Variants in CEP63 observed in about 807,000 individuals in gnomAD.
CEP63 encodes the protein centrosomal protein 63, also known as centrosomal protein of 63 kDa.
Under a neutral mutation model 89.1 loss-of-function variants are expected in CEP63, and 84 were observed. The ratio of observed to expected loss-of-function variants is 0.94; its 90% CI spans 0.79 to 1.13. The LOEUF is 1.13. Ranked by LOEUF, CEP63 falls within the 50% of genes most tolerant of loss-of-function variation. The pLI is 0.00. For synonymous variants in CEP63, 267 were observed against 272.5 expected, an observed-to-expected ratio of 0.98 and a Z score of 0.20; for missense variants, 838 against 813.3, an observed-to-expected ratio of 1.03 and a Z score of -0.37.
At chr3:134,707,028 C>CA in the CEP63 span, among the ~76,000 whole-genome samples, 1 of 152,082 alleles carries the variant, frequency 6.6e-6, no homozygotes, top group East Asian at 1.9e-4. Flanking sequence ...ACCCTATTTC[C>CA]AAAAAAGTCA....
At chr3:134,743,931 GA>G in the CEP63 span, among the ~76,000 whole-genome samples, 1 of 152,120 alleles carries the variant, frequency 6.6e-6, no homozygotes, top group African/African-American at 2.4e-5. Context: ...CTCCTCAAAA[GA>G]AAAGTATTAA....
At chr3:134,647,485 A>C in the CEP63 span, 1 of 1,610,310 alleles carries the variant, frequency 6.2e-7, no homozygotes, top group Non-Finnish European at 8.5e-7. Context: ...TCCATTTCCA[A>C]CACCTTGGAA....
At chr3:134,569,485 A>G (rs1024371416), downstream of CEP63, among the ~76,000 whole-genome samples, 14 of 152,188 alleles carry the variant, frequency 9.2e-5, no homozygotes, top group African/African-American at 2.9e-4. Flanking sequence ...GGGCAGTCAA[A>G]TCTTAAAGCT....
the CEP63 span, among the ~76,000 whole-genome samples, chr3:134,771,508 C>T: frequency 6.6e-6 from 1 of 152,196 alleles, no homozygotes; most frequent in African/African-American, 2.4e-5. Flanking sequence ...TACAGCAGGT[C>T]AGGGTGGGGC....
At chr3:134,604,417 A>G in the CEP63 span, 6 of 1,613,962 alleles carry the variant, frequency 3.7e-6, no homozygotes, top group Non-Finnish European at 5.1e-6. Flanking sequence ...GCCATTGAGC[A>G]TGAACATGAA....
At chr3:134,726,177 G>A in the CEP63 span, among the ~76,000 whole-genome samples, 1 of 151,990 alleles carries the variant, frequency 6.6e-6, no homozygotes, top group Non-Finnish European at 1.5e-5. Flanking sequence ...CTTTAAACAC[G>A]TTCCATGGCG....
the CEP63 span, among the ~76,000 whole-genome samples, chr3:134,693,439 G>C: frequency 8.3e-6 from 1 of 120,028 alleles, no homozygotes. Context: ...GATTTCTTCT[G>C]TAAGCAAAAA....
At chr3:134,781,608 G>A in the CEP63 span, among the ~76,000 whole-genome samples, 18 of 152,212 alleles carry the variant, frequency 1.2e-4, no homozygotes, top group African/African-American at 2.9e-4. Flanking sequence ...ATTTACCCAC[G>A]TAACAAACCT....
the CEP63 span, among the ~76,000 whole-genome samples, chr3:134,691,807 C>T: frequency 3.3e-5 from 5 of 151,604 alleles, no homozygotes; most frequent in East Asian, 1.9e-4. Context: ...GCAACCTCTG[C>T]CTCCCGGGTT....
At chr3:134,560,821 CTT>C (rs1279836436) in intron 14 of CEP63, among the ~76,000 whole-genome samples, 2 of 152,038 alleles carry the variant, frequency 1.3e-5, no homozygotes. Flanking sequence ...TTTTGGGTGA[CTT>C]TATAGAACAC....
chr3:134,646,221 G>C, the CEP63 span, among the ~76,000 whole-genome samples: 1 of 152,164 alleles, frequency 6.6e-6, no homozygotes, highest in Non-Finnish European at 1.5e-5. Context: ...GTCTACTTCA[G>C]TAGAGCTAAA....
intron 2 of CEP63, among the ~76,000 whole-genome samples, chr3:134,499,997 T>C (rs925001802): frequency 6.6e-6 from 1 of 151,876 alleles, no homozygotes; most frequent in Non-Finnish European, 1.5e-5. Context: ...CTAATTTTTT[T>C]GTATTTTTGG....
the CEP63 span, among the ~76,000 whole-genome samples, chr3:134,624,895 C>T: frequency 1.3e-5 from 2 of 152,286 alleles, no homozygotes; most frequent in Admixed American, 6.5e-5. Context: ...CTGCCTAGTG[C>T]CTTCTGTCCC....
the CEP63 span, among the ~76,000 whole-genome samples, chr3:134,689,204 T>C: frequency 5.3e-5 from 8 of 152,092 alleles, no homozygotes; most frequent in Non-Finnish European, 7.4e-5. Context: ...CTTCGGCTTA[T>C]GATGACTTCT....
intron 10 of CEP63, among the ~76,000 whole-genome samples, chr3:134,582,843 G>C (rs2110334558): frequency 6.6e-6 from 1 of 152,238 alleles, no homozygotes; most frequent in East Asian, 1.9e-4. Flanking sequence ...AGCATCTGTT[G>C]TTTCCTGACT....
chr3:134,608,652 TTC>T, the CEP63 span: 2 of 1,614,032 alleles, frequency 1.2e-6, no homozygotes, highest in Non-Finnish European at 1.7e-6. Flanking sequence ...GGCTCACCTG[TTC>T]TGATCATGGA....
At chr3:134,726,633 A>G in the CEP63 span, among the ~76,000 whole-genome samples, 1 of 152,260 alleles carries the variant, frequency 6.6e-6, no homozygotes, top group African/African-American at 2.4e-5. Flanking sequence ...CTTGATCTGA[A>G]TGCAAGTACT....
chr3:134,550,053 T>G lies in CEP63; in HGVS notation c.1183-10T>G, dbSNP rs766798633. 1.2e-5 allele frequency: 20 copies of G among 1,605,546 alleles called. No homozygotes were observed. The Middle Eastern group carries it at 6.6e-4, about 53-fold the overall frequency. ...TAACTTTTGGTGCTTTCTTTTCTGCTTCTTTATAGTTGAAAGAACAGATTT... is the reference window on the plus strand; with the variant it reads ...TAACTTTTGGTGCTTTCTTTTCTGCGTCTTTATAGTTGAAAGAACAGATTT... On this transcript the variant is annotated splice_polypyrimidine_tract_variant and intron_variant, in intron 10 of 14. Transcript: ENST00000675561.
chr3:134,715,611 A>T, the CEP63 span, among the ~76,000 whole-genome samples: 1 of 149,918 alleles, frequency 6.7e-6, no homozygotes, highest in East Asian at 2.0e-4. Flanking sequence ...ACATTGTGAT[A>T]TCAGTGCAAT....
Sources: gnomAD v4.1 joint callset for allele counts (sites outside exome capture counted in the v4.1 genomes callset) on GRCh38, gnomAD v4.1.1 for gene constraint, MANE v1.5 for transcripts, NCBI Gene and HGNC (gene_info 2026-07-23, HGNC 2026-07-21) for gene names.